SCHIP1: variants seen among roughly 807,000 people sequenced by gnomAD.
The protein encoded by SCHIP1 is schwannomin-interacting protein 1.
SCHIP1 carries 8 observed loss-of-function variants against 29.7 expected under a neutral mutation model. The ratio of observed to expected loss-of-function variants is 0.27; its 90% CI spans 0.16 to 0.49. SCHIP1 has a LOEUF of 0.49. Among genes scored for constraint, SCHIP1 ranks in the 20% least tolerant of loss-of-function variants. The probability of loss-of-function intolerance (pLI) is 0.99; values close to 1 mark genes in which losing one functional copy is unlikely to be tolerated. For missense variants in SCHIP1, 193 were observed against 294.6 expected (o/e 0.66, Z 2.52); for synonymous variants, 76 against 94.9 (o/e 0.80, Z 1.16).
the SCHIP1 span, among the ~76,000 whole-genome samples, chr3:159,461,500 A>G: frequency 1.3e-5 from 2 of 152,334 alleles, no homozygotes; most frequent in African/African-American, 4.8e-5. Context: ...CATATAGATT[A>G]CATATAAGTA....
At chr3:159,385,398 A>T in the SCHIP1 span, among the ~76,000 whole-genome samples, 1 of 152,164 alleles carries the variant, frequency 6.6e-6, no homozygotes, top group Non-Finnish European at 1.5e-5. Context: ...TCTCTACTAA[A>T]AATAGAAAAA....
chr3:159,367,222 G>A, the SCHIP1 span, among the ~76,000 whole-genome samples: 6 of 151,990 alleles, frequency 3.9e-5, no homozygotes, highest in African/African-American at 7.2e-5. Context: ...GAGAAACCCC[G>A]TCTCTACTAA....
the SCHIP1 span, among the ~76,000 whole-genome samples, chr3:159,328,577 T>C: frequency 6.6e-6 from 1 of 152,098 alleles, no homozygotes; most frequent in African/African-American, 2.4e-5. Flanking sequence ...AAAAAGGCAT[T>C]ATAAGCAAAA....
the SCHIP1 span, among the ~76,000 whole-genome samples, chr3:159,393,733 G>A: frequency 6.6e-6 from 1 of 150,948 alleles, no homozygotes; most frequent in Non-Finnish European, 1.5e-5. Context: ...AGTATAGTTT[G>A]AAGTCAGGTA....
chr3:159,534,196 G>T, the SCHIP1 span, among the ~76,000 whole-genome samples: 9 of 151,976 alleles, frequency 5.9e-5, no homozygotes, highest in Middle Eastern at 6.3e-3. Flanking sequence ...TTCAAGCAAG[G>T]GTCAGCCTCT....
chr3:159,454,310 T>C, the SCHIP1 span, among the ~76,000 whole-genome samples: 18 of 152,148 alleles, frequency 1.2e-4, no homozygotes, highest in Non-Finnish European at 1.8e-4. Flanking sequence ...TAGGGGGCTG[T>C]TCCCAGCCAA....
chr3:159,457,415 A>G, the SCHIP1 span, among the ~76,000 whole-genome samples: 1 of 149,636 alleles, frequency 6.7e-6, no homozygotes, highest in Non-Finnish European at 1.5e-5. Context: ...TTTTATGTGT[A>G]TAACATTTTG....
the SCHIP1 span, among the ~76,000 whole-genome samples, chr3:159,393,785 T>G: frequency 6.6e-6 from 1 of 151,712 alleles, no homozygotes; most frequent in African/African-American, 2.4e-5. Context: ...TAGGATTGAC[T>G]TGGCGATGCG....
chr3:159,353,277 C>A, the SCHIP1 span, among the ~76,000 whole-genome samples: 3 of 151,656 alleles, frequency 2.0e-5, no homozygotes, highest in African/African-American at 7.3e-5. Context: ...CAAACCTGCA[C>A]GTTGTGCACA....
the SCHIP1 span, among the ~76,000 whole-genome samples, chr3:159,767,600 G>T: frequency 1.3e-5 from 2 of 152,138 alleles, no homozygotes; most frequent in Non-Finnish European, 2.9e-5. Flanking sequence ...CTAGGAATGG[G>T]GTATACAATG....
the SCHIP1 span, among the ~76,000 whole-genome samples, chr3:159,704,030 T>C: frequency 3.3e-5 from 5 of 152,206 alleles, no homozygotes; most frequent in Admixed American, 1.3e-4. Flanking sequence ...TATTTATCTA[T>C]TTTGTCCACT....
chr3:159,346,598 T>C, the SCHIP1 span, among the ~76,000 whole-genome samples: 1 of 152,122 alleles, frequency 6.6e-6, no homozygotes. Flanking sequence ...TTACCTCAAA[T>C]GTGTTGGGAG....
At chr3:159,320,853 T>TAA in the SCHIP1 span, among the ~76,000 whole-genome samples, 4 of 138,656 alleles carry the variant, frequency 2.9e-5, no homozygotes, top group Admixed American at 1.4e-4. Context: ...TTCTGTCATC[T>TAA]AAAAAAAAAA....
the SCHIP1 span, among the ~76,000 whole-genome samples, chr3:159,814,784 C>G: frequency 6.6e-6 from 1 of 152,162 alleles, no homozygotes; most frequent in Non-Finnish European, 1.5e-5. Flanking sequence ...TTTTAGATCT[C>G]CCTTGCCAAT....
chr3:159,802,046 T>C, the SCHIP1 span, among the ~76,000 whole-genome samples: 3 of 152,200 alleles, frequency 2.0e-5, no homozygotes, highest in African/African-American at 7.2e-5. Context: ...GACTAAACCT[T>C]ATTAAATCAC....
chr3:159,549,711 T>A, the SCHIP1 span, among the ~76,000 whole-genome samples: 3 of 152,178 alleles, frequency 2.0e-5, no homozygotes, highest in African/African-American at 7.2e-5. Flanking sequence ...TATTTTGTTA[T>A]GGCAGCCTGA....
chr3:159,359,633 T>C, the SCHIP1 span, among the ~76,000 whole-genome samples: 1,158 of 152,314 alleles, frequency 7.6e-3, 12 homozygotes, highest in African/African-American at 0.027. Context: ...TAATACATTG[T>C]ATGAACTGGG....
the SCHIP1 span, among the ~76,000 whole-genome samples, chr3:159,659,418 A>G: frequency 0.064 from 9,718 of 152,254 alleles, 992 homozygotes; most frequent in African/African-American, 0.21. Context: ...CTGGGATAAG[A>G]ATGAGCCCTC....
At chr3:159,610,560 G>A in the SCHIP1 span, among the ~76,000 whole-genome samples, 1 of 152,084 alleles carries the variant, frequency 6.6e-6, no homozygotes, top group Non-Finnish European at 1.5e-5. Context: ...ACCTCCCTCT[G>A]TTTTCATTAG....
Sources: gnomAD v4.1 joint callset for allele counts (sites outside exome capture counted in the v4.1 genomes callset) on GRCh38, gnomAD v4.1.1 for gene constraint, MANE v1.5 for transcripts, NCBI Gene and HGNC (gene_info 2026-07-23, HGNC 2026-07-21) for gene names.